The following ITGA11 variants were observed in gnomAD, a reference collection of about 807,000 sequenced individuals.
ITGA11 encodes integrin subunit alpha 11, also known as integrin alpha-11.
In ITGA11, 97 loss-of-function variants were observed where a neutral mutation model predicts 141.9. The observed-to-expected ratio is 0.68, with a 90% CI of 0.58 to 0.81. The LOEUF (loss-of-function observed/expected upper bound fraction) is 0.81, where lower values mean the gene tolerates loss of function less well. Ranked by LOEUF, ITGA11 falls within the 30% of genes least tolerant of loss-of-function variation. The probability of loss-of-function intolerance (pLI) is 0.00; values close to 1 mark genes in which losing one functional copy is unlikely to be tolerated. For missense variants in ITGA11, 1,387 were observed against 1,559.2 expected, an observed-to-expected ratio of 0.89 and a Z score of 1.86; for synonymous variants, 658 against 624.6, an observed-to-expected ratio of 1.05 and a Z score of -0.80.
chr15:68,350,856 C>T, intron 8 of ITGA11, 74 bp from the exon 9 acceptor site: 2 of 1,482,262 alleles, frequency 1.3e-6, no homozygotes, highest in Non-Finnish European at 1.8e-6. Flanking sequence ...ACGGCCTAGA[C>T]CCTGGGGACC....
chr15:68,376,230 T>TTA (rs1567149983), intron 2 of ITGA11, among the ~76,000 whole-genome samples: 1 of 150,714 alleles, frequency 6.6e-6, no homozygotes, highest in Non-Finnish European at 1.5e-5. Flanking sequence ...TCTCCTCTCT[T>TTA]TTTTTTTTCA....
In ITGA11 at chr15:68,326,514, G is replaced by A. The variant is rs1893975485; in HGVS notation, c.2211+140C>T. Reference sequence around the variant, plus strand: ...TGAGGTGGGAATGTGGAGTGGCCAAGGTCAGGGTACACTGTCCCTGGCTGG... The same window carrying A: ...TGAGGTGGGAATGTGGAGTGGCCAAAGTCAGGGTACACTGTCCCTGGCTGG... On this transcript the variant is annotated intron_variant, in intron 17 of 29. Transcript: ENST00000315757. The surrounding 1 kb of genome is among the most constrained non-coding windows in gnomAD (Gnocchi z 6.8). 1.2e-6 allele frequency: 1 copy of A among 864,940 alleles called. No individual in the cohort carries two copies. Among genetic ancestry groups the A allele is most frequent in the East Asian group, 2.7e-5 (1 of 36,878 alleles). The allele number at this position is 864,940 out of a possible 1,614,324, so 53.6% of individuals were successfully genotyped here. A position where few individuals can be genotyped will look rare whatever the true frequency, so the allele number is the denominator to read the frequency against.
At position 68,351,317 on chromosome 15, in the gene ITGA11, C is replaced by T; in HGVS notation, c.835G>A (p.Asp279Asn). ...ITDGESHDSP[D>N]LEKVIQQSER... ...CTTTGCTGGATCACCTTCTCCAGGTCTGGGCTGTCGTGGGACTCCCCATCT... is the reference window on the plus strand; with the variant it reads ...CTTTGCTGGATCACCTTCTCCAGGTTTGGGCTGTCGTGGGACTCCCCATCT... The change falls in exon 8 of 30, where the codon GAC becomes AAC. Residue 279 changes from aspartate (D) to asparagine (N), a missense_variant. By Grantham distance (23) the Asp-to-Asn change is conservative (BLOSUM62 1). Coordinates refer to ENST00000315757, the MANE Select transcript of ITGA11 (RefSeq NM_001004439.2). 6.2e-7 allele frequency: 1 copy of T among 1,614,046 alleles called. No homozygotes were observed. Among genetic ancestry groups the T allele is most frequent in the Non-Finnish European group, 8.5e-7 (1 of 1,179,900 alleles).
intron 2 of ITGA11, among the ~76,000 whole-genome samples, chr15:68,376,228 C>CTTTTTTTTTTTTT (rs11424476): frequency 6.8e-6 from 1 of 147,898 alleles, no homozygotes. Context: ...GTTCTCCTCT[C>CTTTTTTTTTTTTT]TTTTTTTTTT....
intron 1 of ITGA11, among the ~76,000 whole-genome samples, chr15:68,430,332 C>A (rs1394085410): frequency 6.6e-6 from 1 of 152,214 alleles, no homozygotes; most frequent in Non-Finnish European, 1.5e-5. Flanking sequence ...TGCCTTAGTG[C>A]ATCCTGACAA....
At chr15:68,408,909 T>C (rs1440439248) in intron 1 of ITGA11, among the ~76,000 whole-genome samples, 2 of 152,200 alleles carry the variant, frequency 1.3e-5, no homozygotes, top group African/African-American at 2.4e-5. Flanking sequence ...TGGGTGACCC[T>C]GGGGAGTTAC....
At chr15:68,336,340 A>G (rs991072425) in intron 11 of ITGA11, among the ~76,000 whole-genome samples, 2 of 152,134 alleles carry the variant, frequency 1.3e-5, no homozygotes, top group African/African-American at 4.8e-5. Flanking sequence ...GTGAGCCGTA[A>G]ATGTGGAAGG....
chr15:68,421,553 G>C (rs185103251), intron 1 of ITGA11, among the ~76,000 whole-genome samples: 167 of 152,306 alleles, frequency 1.1e-3, no homozygotes, highest in Middle Eastern at 6.8e-3. Flanking sequence ...AGGCCAGTGA[G>C]GGGGCTGTGG....
chr15:68,365,175 C>T (rs11635712), intron 3 of ITGA11: 22,712 of 985,388 alleles, frequency 0.023, 281 homozygotes, highest in South Asian at 0.036. Flanking sequence ...GCAGTATCCC[C>T]GCTACGCTTT....
chr15:68,345,183 C>T (rs1894705862), intron 10 of ITGA11, among the ~76,000 whole-genome samples: 1 of 152,184 alleles, frequency 6.6e-6, no homozygotes, highest in Non-Finnish European at 1.5e-5. Context: ...GCCACTCTGG[C>T]TCTTAGTGAC....
intron 1 of ITGA11, among the ~76,000 whole-genome samples, chr15:68,412,292 C>G (rs1220840200): frequency 6.6e-6 from 1 of 152,140 alleles, no homozygotes; most frequent in East Asian, 1.9e-4. Context: ...ATTTCCTACT[C>G]AAGATCTCAT....
chr15:68,416,808 C>T (rs544135136), intron 1 of ITGA11, among the ~76,000 whole-genome samples: 5 of 152,178 alleles, frequency 3.3e-5, no homozygotes, highest in Admixed American at 1.3e-4. Flanking sequence ...CCCACCTACT[C>T]GGGAGGCTGA....
chr15:68,411,938 G>T (rs930803228), intron 1 of ITGA11, among the ~76,000 whole-genome samples: 6 of 151,942 alleles, frequency 3.9e-5, no homozygotes, highest in African/African-American at 1.5e-4. Flanking sequence ...CAGCTGAGTT[G>T]CCCCAGCCCA....
chr15:68,346,424 C>G (rs771196837), intron 10 of ITGA11, among the ~76,000 whole-genome samples: 5 of 152,172 alleles, frequency 3.3e-5, no homozygotes, highest in Non-Finnish European at 5.9e-5. Flanking sequence ...GATTCCTAGG[C>G]AGACACAGAT....
chr15:68,311,452 G>A, intron 24 of ITGA11, 49 bp from the exon 25 acceptor site: 1 of 1,355,448 alleles, frequency 7.4e-7, no homozygotes, highest in Admixed American at 2.0e-5. Context: ...GAGGGGGGTG[G>A]AAAACAAGGT....
chr15:68,394,036 C>T (rs145199567), intron 2 of ITGA11, among the ~76,000 whole-genome samples: 23 of 152,232 alleles, frequency 1.5e-4, no homozygotes, highest in African/African-American at 4.3e-4. Flanking sequence ...GGAGATATTA[C>T]GACTGACACC....
At position 68,326,561 on chromosome 15, in the gene ITGA11, C is replaced by T; in HGVS notation, c.2211+93G>A. On this transcript the variant is annotated intron_variant, in intron 17 of 29. Coordinates refer to ENST00000315757, the MANE Select transcript of ITGA11 (RefSeq NM_001004439.2). The surrounding 1 kb of genome is among the most constrained non-coding windows in gnomAD (Gnocchi z 6.8). Reference sequence around the variant, plus strand: ...CTGGCTTCCTGAGGTCTGCTGGGGGCTTAGAACCAGCCAGGCAGACTCTCT... The same window carrying T: ...CTGGCTTCCTGAGGTCTGCTGGGGGTTTAGAACCAGCCAGGCAGACTCTCT... 1 of 1,415,110 alleles carries T rather than the reference C, an allele frequency of 7.1e-7. No individual in the cohort carries two copies. 87.7% of individuals were successfully genotyped at this position (1,415,110 alleles called of 1,614,324 possible).
In ITGA11 at chr15:68,357,782, AACC is replaced by A. The variant is rs535222009; in HGVS notation, c.601-486_601-484del. On this transcript the variant is annotated intron_variant, in intron 6 of 29. Coordinates refer to ENST00000315757, the MANE Select transcript of ITGA11 (RefSeq NM_001004439.2). The stretch of plus-strand genomic sequence containing the variant: ...GCTTCAAGACCTATAGTAGGAATAG[AACC>A]ATGAAACGTTCCTGTTGGAGGAGCC... 4.0e-3 allele frequency among the ~76,000 whole-genome samples: 613 copies of A among 152,328 alleles called. 4 individuals carry two copies. Among genetic ancestry groups the A allele is most frequent in the Middle Eastern group, 0.01 (3 of 294 alleles).
At position 68,416,511 on chromosome 15, in the gene ITGA11, GC is replaced by G. The variant is rs1595898496; in HGVS notation, c.53-13483del. 2.0e-5 allele frequency among the ~76,000 whole-genome samples: 3 copies of G among 152,298 alleles called. No individual in the cohort carries two copies. In the East Asian group the frequency reaches 5.8e-4, roughly 29 times the overall value. ...CAGATGTCAAGCTCAAGGAAAACAGGCCTAAAACTTTAAAGCAGCAAACAGC... is the reference window on the plus strand; with the variant it reads ...CAGATGTCAAGCTCAAGGAAAACAGGCTAAAACTTTAAAGCAGCAAACAGC... On this transcript the variant is annotated intron_variant, in intron 1 of 29. Transcript: ENST00000315757.
Sources: allele counts gnomAD v4.1 joint callset (sites outside exome capture counted in the v4.1 genomes callset), GRCh38; gene constraint gnomAD v4.1.1; non-coding constraint Gnocchi (gnomAD v3.1); transcripts MANE v1.5; gene names NCBI Gene and HGNC (gene_info 2026-07-23, HGNC 2026-07-21).